Variants in SLC1A2 observed in about 807,000 individuals in gnomAD.
SLC1A2 encodes the protein excitatory amino acid transporter 2.
SLC1A2 carries 15 observed loss-of-function variants against 48.8 expected under a neutral mutation model. That is an observed-to-expected ratio of 0.31 (90% CI 0.21 to 0.47). The LOEUF is 0.47. Among genes scored for constraint, SLC1A2 ranks in the 20% least tolerant of loss-of-function variants. SLC1A2 has a pLI of 0.99. For missense variants in SLC1A2, 502 were observed against 730.5 expected (o/e 0.69, Z 3.61); for synonymous variants, 279 against 272.6 (o/e 1.02, Z -0.23).
intron 1 of SLC1A2, among the ~76,000 whole-genome samples, chr11:35,412,474 C>T (rs1855491209): frequency 6.6e-6 from 1 of 152,308 alleles, no homozygotes. Flanking sequence ...GGGAGTCAGA[C>T]CACCAGTGTG....
intron 4 of SLC1A2, among the ~76,000 whole-genome samples, chr11:35,310,102 C>T: frequency 6.6e-6 from 1 of 152,174 alleles, no homozygotes; most frequent in East Asian, 1.9e-4. Context: ...AAAGTTCACT[C>T]CAAGACCAGA....
intron 1 of SLC1A2, among the ~76,000 whole-genome samples, chr11:35,360,861 TTTTG>T (rs1179687174): frequency 2.0e-5 from 3 of 152,076 alleles, no homozygotes; most frequent in Non-Finnish European, 4.4e-5. Flanking sequence ...CCTGCATTTA[TTTTG>T]TTTATTTATT....
chr11:35,310,951 C>A (rs1851670338), intron 4 of SLC1A2, among the ~76,000 whole-genome samples: 1 of 152,090 alleles, frequency 6.6e-6, no homozygotes, highest in Admixed American at 6.5e-5. Context: ...CAACAGCCAG[C>A]AAACTCAAAA....
chr11:35,283,767 T>C (rs1850716702), intron 8 of SLC1A2, among the ~76,000 whole-genome samples: 1 of 152,160 alleles, frequency 6.6e-6, no homozygotes, highest in Non-Finnish European at 1.5e-5. Flanking sequence ...TCTCGTGATA[T>C]CTGTTAGGAC....
At chr11:35,337,557 C>T (rs1246568607) in intron 1 of SLC1A2, among the ~76,000 whole-genome samples, 1 of 152,146 alleles carries the variant, frequency 6.6e-6, no homozygotes, top group African/African-American at 2.4e-5. Flanking sequence ...GAATATCTAT[C>T]TAACTACACC....
chr11:35,298,255 A>G (rs1289793973), intron 6 of SLC1A2: 2 of 152,240 alleles, frequency 1.3e-5, no homozygotes, highest in Non-Finnish European at 2.9e-5. Context: ...TTCCTCAGTA[A>G]TAAATGGGTT....
chr11:35,300,871 T>A (rs978409764), intron 6 of SLC1A2, among the ~76,000 whole-genome samples: 4 of 151,874 alleles, frequency 2.6e-5, no homozygotes, highest in African/African-American at 7.3e-5. Flanking sequence ...TTTCAAAAAT[T>A]AGCTGGGCAT....
At chr11:35,350,928 A>G (rs1213550730) in intron 1 of SLC1A2, among the ~76,000 whole-genome samples, 1 of 152,226 alleles carries the variant, frequency 6.6e-6, no homozygotes, top group Non-Finnish European at 1.5e-5. Context: ...CTGAGAGAAC[A>G]TATTAATACT....
At chr11:35,307,477 G>C (rs1384884958) in intron 4 of SLC1A2, among the ~76,000 whole-genome samples, 1 of 152,208 alleles carries the variant, frequency 6.6e-6, no homozygotes, top group Non-Finnish European at 1.5e-5. Context: ...CCTACATGCA[G>C]AGTGCTATAA....
At chr11:35,390,262 A>G (rs1231646457) in intron 1 of SLC1A2, among the ~76,000 whole-genome samples, 1 of 151,836 alleles carries the variant, frequency 6.6e-6, no homozygotes, top group Non-Finnish European at 1.5e-5. Context: ...TTTTCTCATG[A>G]TGTCTCAGCG....
chr11:35,298,744 C>T (rs1237754683), intron 6 of SLC1A2: 1 of 152,224 alleles, frequency 6.6e-6, no homozygotes, highest in East Asian at 1.9e-4. Flanking sequence ...CCACCACCCT[C>T]CATCTCTGGG....
rs772009886 is a variant in SLC1A2 at position 35,265,592 on chromosome 11, T to C, written c.1588A>G (p.Arg530Gly). The C allele has an allele frequency of 6.8e-6, 11 of 1,612,798 alleles. No individual in the cohort carries two copies. Among genetic ancestry groups the C allele is most frequent in the Non-Finnish European group, 9.3e-6 (11 of 1,178,714 alleles). ...QSIYDDMKNH[R>G]ESNSNQCVYA... is the part of the protein sequence containing the mutation. ...ACACATTGATTAGAGTTGCTTTCCC[T>C]GTGGTTCTTCATGTCATCATAAATG... Residue 530 changes from arginine to glycine, a missense_variant, in exon 10 of 11, where the codon AGG (arginine) becomes GGG (glycine). Coordinates refer to ENST00000278379, the MANE Select transcript of SLC1A2 (RefSeq NM_004171.4).
At chr11:35,271,142 T>C (rs1850268445) in intron 9 of SLC1A2, among the ~76,000 whole-genome samples, 1 of 152,216 alleles carries the variant, frequency 6.6e-6, no homozygotes, top group Non-Finnish European at 1.5e-5. Flanking sequence ...GTTTCTGGTT[T>C]GGGCAACCAG....
At chr11:35,386,122 C>T (rs930228357) in intron 1 of SLC1A2, among the ~76,000 whole-genome samples, 28 of 151,910 alleles carry the variant, frequency 1.8e-4, no homozygotes, top group Non-Finnish European at 4.0e-4. Context: ...GCCGAGATGG[C>T]GCCACTGCAC....
chr11:35,325,993 A>C, intron 1 of SLC1A2, among the ~76,000 whole-genome samples: 1 of 148,658 alleles, frequency 6.7e-6, no homozygotes, highest in Non-Finnish European at 1.5e-5. Flanking sequence ...AAAGGAGGGA[A>C]CACCTGCATT....
intron 1 of SLC1A2, among the ~76,000 whole-genome samples, chr11:35,359,573 G>A (rs931401691): frequency 1.1e-4 from 16 of 152,158 alleles, no homozygotes; most frequent in Admixed American, 5.2e-4. Context: ...TCAGTATCAT[G>A]TAATTAATAT....
intron 1 of SLC1A2, among the ~76,000 whole-genome samples, chr11:35,395,884 A>T (rs1211181947): frequency 7.7e-6 from 1 of 129,430 alleles, no homozygotes; most frequent in Non-Finnish European, 1.6e-5. Context: ...TGTCCATGTG[A>T]TCTCATTGTT....
intron 4 of SLC1A2, chr11:35,307,352 T>A (rs1396961588): frequency 6.6e-6 from 1 of 152,262 alleles, no homozygotes; most frequent in African/African-American, 2.4e-5. Flanking sequence ...TGAGCAGTGA[T>A]GCCAAGCCTT....
At chr11:35,331,659 G>A (rs891563159) in intron 1 of SLC1A2, among the ~76,000 whole-genome samples, 1 of 152,174 alleles carries the variant, frequency 6.6e-6, no homozygotes, top group Non-Finnish European at 1.5e-5. Flanking sequence ...CCTCTTGCAC[G>A]ATCCATTCTC....
Sources: allele counts gnomAD v4.1 joint callset (sites outside exome capture counted in the v4.1 genomes callset), GRCh38; gene constraint gnomAD v4.1.1; transcripts MANE v1.5; gene names NCBI Gene and HGNC (gene_info 2026-07-23, HGNC 2026-07-21).